Variants in LINGO2 observed in about 807,000 individuals in gnomAD.
LINGO2 encodes leucine-rich repeat and immunoglobulin-like domain-containing nogo receptor-interacting protein 2.
In LINGO2, 14 loss-of-function variants were observed where a neutral mutation model predicts 30.6. The observed-to-expected ratio is 0.46, with a 90% CI of 0.30 to 0.72. The LOEUF (loss-of-function observed/expected upper bound fraction) is 0.72. Ranked by LOEUF, LINGO2 falls within the 30% of genes least tolerant of loss-of-function variation. The pLI is 0.07. For synonymous variants in LINGO2, 317 were observed against 288.5 expected, an observed-to-expected ratio of 1.10 and a Z score of -1.00; for missense variants, 729 against 751.7, an observed-to-expected ratio of 0.97 and a Z score of 0.35.
At chr9:28,923,925 C>G in the LINGO2 span, among the ~76,000 whole-genome samples, 1 of 151,820 alleles carries the variant, frequency 6.6e-6, no homozygotes, top group Non-Finnish European at 1.5e-5. Context: ...AAAAAGGGAT[C>G]TGATTTGGGG....
At chr9:28,039,902 T>C (rs1394291477) in intron 4 of LINGO2, among the ~76,000 whole-genome samples, 1 of 152,160 alleles carries the variant, frequency 6.6e-6, no homozygotes, top group African/African-American at 2.4e-5. Context: ...TTGTGAGATA[T>C]ACTGGAGGAT....
At chr9:28,995,016 A>G in the LINGO2 span, among the ~76,000 whole-genome samples, 1 of 152,152 alleles carries the variant, frequency 6.6e-6, no homozygotes, top group African/African-American at 2.4e-5. Flanking sequence ...AAAATTGACA[A>G]ATGGGATCTA....
In LINGO2 at chr9:28,362,277, TGA is replaced by T. The variant is rs148560086; in HGVS notation, c.-246+10557_-246+10558del. On this transcript the variant is annotated intron_variant, in intron 3 of 5. Transcript: ENST00000379992. ...GTGTGTGTGTGCATGTGTGCGTGTT[TGA>T]GAGAGAGAGAGAGGACTTCTGAAAG... Among the ~76,000 whole-genome samples the T allele has an allele frequency of 9.6e-3, 1,451 of 150,928 alleles. 17 individuals carry two copies. Among genetic ancestry groups the T allele is most frequent in the African/African-American group, 0.033 (1,352 of 41,290 alleles).
At chr9:29,209,598 C>G in the LINGO2 span, among the ~76,000 whole-genome samples, 1 of 152,000 alleles carries the variant, frequency 6.6e-6, no homozygotes, top group East Asian at 1.9e-4. Flanking sequence ...AGCCTGATAC[C>G]TGGAATTTAA....
intron 4 of LINGO2, among the ~76,000 whole-genome samples, chr9:28,246,440 A>G (rs1822002533): frequency 1.3e-5 from 2 of 152,106 alleles, no homozygotes; most frequent in South Asian, 2.1e-4. Flanking sequence ...AAAATAAAAA[A>G]GAAGACCACA....
At chr9:29,027,874 C>A in the LINGO2 span, among the ~76,000 whole-genome samples, 2 of 152,068 alleles carry the variant, frequency 1.3e-5, no homozygotes, top group African/African-American at 4.8e-5. Context: ...TAATTATTGG[C>A]AATTACACAA....
the LINGO2 span, among the ~76,000 whole-genome samples, chr9:29,045,133 T>C: frequency 6.6e-6 from 1 of 152,230 alleles, no homozygotes; most frequent in South Asian, 2.1e-4. Context: ...TTGAATACAC[T>C]GGACAAAGAG....
the LINGO2 span, among the ~76,000 whole-genome samples, chr9:29,081,667 C>T: frequency 6.6e-6 from 1 of 152,006 alleles, no homozygotes; most frequent in East Asian, 1.9e-4. Context: ...TTACATGATT[C>T]TATATTTAGA....
the LINGO2 span, among the ~76,000 whole-genome samples, chr9:29,193,235 C>A: frequency 6.6e-6 from 1 of 152,248 alleles, no homozygotes; most frequent in African/African-American, 2.4e-5. Flanking sequence ...ATTATCTGAC[C>A]TGAAACTGCC....
intron 1 of LINGO2, among the ~76,000 whole-genome samples, chr9:28,482,559 TC>T (rs1315917201): frequency 6.6e-6 from 1 of 152,132 alleles, no homozygotes; most frequent in African/African-American, 2.4e-5. Flanking sequence ...GAAAATTTTC[TC>T]CCATTTTGCA....
chr9:28,764,546 T>C, the LINGO2 span, among the ~76,000 whole-genome samples: 2 of 151,940 alleles, frequency 1.3e-5, no homozygotes, highest in African/African-American at 4.8e-5. Flanking sequence ...TCTAATAGGA[T>C]AATCAACAGG....
rs1212804898 is a variant in LINGO2 at position 27,980,127 on chromosome 9, G to GA, written c.-35-29422dup. Among the ~76,000 whole-genome samples the GA allele has an allele frequency of 3.9e-5, 6 of 152,014 alleles. 1 individual carries two copies. The East Asian group carries it at 1.2e-3, about 30-fold the overall frequency. On this transcript the variant is annotated intron_variant, in intron 5 of 5. Transcript: ENST00000379992. ...AGAATTTTGCCTTGATACTGAGAAA[G>GA]AAAGGTGCAAAGGAAGGATCCTGCT... is the stretch of plus-strand genomic sequence containing the variant.
the LINGO2 span, among the ~76,000 whole-genome samples, chr9:28,879,593 G>T: frequency 0.043 from 6,542 of 152,178 alleles, 215 homozygotes; most frequent in Admixed American, 0.084. Context: ...GTTCCAGTTG[G>T]TTGAAGGCAT....
At chr9:29,212,691 C>A in the LINGO2 span, among the ~76,000 whole-genome samples, 4 of 152,198 alleles carry the variant, frequency 2.6e-5, no homozygotes, top group African/African-American at 9.6e-5. Context: ...AGTCCGAAAT[C>A]GTTTTCCAAT....
At chr9:28,067,746 C>T (rs984899243) in intron 4 of LINGO2, among the ~76,000 whole-genome samples, 3 of 152,182 alleles carry the variant, frequency 2.0e-5, no homozygotes, top group South Asian at 2.1e-4. Flanking sequence ...ATGCTGCTAC[C>T]GATAATATCT....
chr9:28,190,473 T>C (rs1819782945), intron 4 of LINGO2, among the ~76,000 whole-genome samples: 1 of 152,142 alleles, frequency 6.6e-6, no homozygotes. Context: ...GATGTGATTA[T>C]GTCCTGAGAG....
the LINGO2 span, among the ~76,000 whole-genome samples, chr9:28,998,775 C>T: frequency 1.3e-5 from 2 of 152,136 alleles, no homozygotes; most frequent in East Asian, 1.9e-4. Flanking sequence ...TAAACAGATG[C>T]ATCATAGCCA....
intron 4 of LINGO2, among the ~76,000 whole-genome samples, chr9:28,117,324 CA>C (rs1159715771): frequency 6.8e-6 from 1 of 146,108 alleles, no homozygotes; most frequent in African/African-American, 2.5e-5. Flanking sequence ...AGCTGTCAGA[CA>C]GGGACATTTA....
the LINGO2 span, among the ~76,000 whole-genome samples, chr9:28,685,924 A>G: frequency 6.6e-6 from 1 of 151,924 alleles, no homozygotes; most frequent in African/African-American, 2.4e-5. Context: ...TCCAGACTAT[A>G]TGAAGACGAG....
Sources: gnomAD v4.1 joint callset for allele counts (sites outside exome capture counted in the v4.1 genomes callset) on GRCh38, gnomAD v4.1.1 for gene constraint, MANE v1.5 for transcripts, NCBI Gene and HGNC (gene_info 2026-07-23, HGNC 2026-07-21) for gene names.